Variants in SNURF observed in about 807,000 individuals in gnomAD.
SNURF encodes the protein SNRPN upstream open reading frame.
Under a neutral mutation model 11.6 loss-of-function variants are expected in SNURF, and 6 were observed. The observed-to-expected ratio is 0.52, with a 90% CI of 0.28 to 1.02. The LOEUF is 1.02. Among genes scored for constraint, SNURF ranks in the 50% least tolerant of loss-of-function variants. SNURF has a pLI of 0.09. For synonymous variants in SNURF, 29 were observed against 31.6 expected, an observed-to-expected ratio of 0.92 and a Z score of 0.27; for missense variants, 84 against 88.4, an observed-to-expected ratio of 0.95 and a Z score of 0.20.
At chr15:24,976,194 A>G in intron 4 of SNURF, 1 of 827,404 alleles carries the variant, frequency 1.2e-6, no homozygotes, top group Non-Finnish European at 2.0e-6. Flanking sequence ...GTGATAACTC[A>G]GTAAATGTTT....
intron 2 of SNURF, among the ~76,000 whole-genome samples, chr15:24,966,605 A>C (rs1029493768): frequency 2.0e-5 from 3 of 152,116 alleles, no homozygotes; most frequent in Non-Finnish European, 4.4e-5. Flanking sequence ...TCTCATTACC[A>C]AGAACTCAGG....
intron 2 of SNURF, chr15:24,967,086 G>A (rs1254328026): frequency 1.3e-5 from 2 of 152,150 alleles, no homozygotes; most frequent in Non-Finnish European, 1.5e-5. Flanking sequence ...CCCTGCAAAT[G>A]CTTTAGCAGC....
At chr15:24,973,705 C>T (rs182248296), downstream of SNURF, among the ~76,000 whole-genome samples, 133 of 152,198 alleles carry the variant, frequency 8.7e-4, no homozygotes, top group African/African-American at 2.7e-3. Context: ...CGGCCGTTAA[C>T]GTGATTTATA....
chr15:24,974,367 C>A, intron 3 of SNURF: 1 of 1,254,316 alleles, frequency 8.0e-7, no homozygotes, highest in Non-Finnish European at 1.2e-6. Flanking sequence ...GGAGAACCTG[C>A]GTCATACCTT....
rs146618354 is a variant in SNURF at position 24,968,163 on chromosome 15, C to T, written c.*126C>T. 1,024 of 844,794 alleles carry T rather than the reference C, an allele frequency of 1.2e-3. 6 individuals are homozygous for T. The African/African-American group carries it at 0.016, about 13-fold the overall frequency. 52.3% of individuals were successfully genotyped at this position (844,794 alleles called of 1,614,324 possible). On this transcript the variant is annotated 3_prime_UTR_variant, in exon 3 of 3. Transcript: ENST00000577949. ...TGGGGGTTCTCTTAATTATCAGTGA[C>T]ACATTAATTTTTTTCCTTAGAGCTT... is the stretch of plus-strand genomic sequence containing the variant.
intron 2 of SNURF, among the ~76,000 whole-genome samples, chr15:24,962,679 A>G (rs1256996437): frequency 1.3e-5 from 2 of 152,166 alleles, no homozygotes; most frequent in African/African-American, 4.8e-5. Flanking sequence ...TGTGGAATGT[A>G]TATATAGGAT....
At chr15:24,969,902 A>G (rs1314166656), downstream of SNURF, among the ~76,000 whole-genome samples, 11 of 152,198 alleles carry the variant, frequency 7.2e-5, no homozygotes, top group South Asian at 1.0e-3. Flanking sequence ...CATTGGTGCT[A>G]CGGTGGTGCA....
chr15:24,978,045 T>C, downstream of SNURF: 1 of 1,205,696 alleles, frequency 8.3e-7, no homozygotes, highest in Non-Finnish European at 1.2e-6. Flanking sequence ...TGGTTTTTAA[T>C]GAAAGACATA....
chr15:24,972,155 C>G (rs1325575385), downstream of SNURF, among the ~76,000 whole-genome samples: 1 of 151,150 alleles, frequency 6.6e-6, no homozygotes, highest in African/African-American at 2.4e-5. Flanking sequence ...ACTCAGGAGG[C>G]TGAGGCAGGA....
At position 24,967,926 on chromosome 15, in the gene SNURF, T is replaced by C; in HGVS notation, c.111-6T>C. The C allele has an allele frequency of 6.2e-7, 1 of 1,612,822 alleles. No homozygotes were observed. Among genetic ancestry groups the C allele is most frequent in the Non-Finnish European group, 8.5e-7 (1 of 1,178,930 alleles). ...ATCATTTATATATATTGTGCTCTTG[T>C]TGTAGGTGTCAGTTGTACCCGAGGC... On this transcript the variant is annotated splice_region_variant and splice_polypyrimidine_tract_variant and intron_variant, in intron 2 of 2. Coordinates refer to ENST00000577949, the Ensembl canonical transcript of SNURF.
downstream of SNURF, chr15:24,978,417 C>T: frequency 6.2e-7 from 1 of 1,613,830 alleles, no homozygotes; most frequent in Non-Finnish European, 8.5e-7. Context: ...GTCCACCTCC[C>T]CCAGGAATGC....
intron 1 of SNURF, among the ~76,000 whole-genome samples, chr15:24,958,486 G>GTTT (rs71127030): frequency 0.033 from 2,120 of 65,228 alleles, 253 homozygotes; most frequent in South Asian, 0.053. Flanking sequence ...CTGGCTCAAA[G>GTTT]TTTTTTTTTT....
intron 2 of SNURF, among the ~76,000 whole-genome samples, chr15:24,962,589 T>G (rs1012262572): frequency 6.6e-6 from 1 of 152,138 alleles, no homozygotes; most frequent in Non-Finnish European, 1.5e-5. Flanking sequence ...GATATTTAGG[T>G]GTTTGTTTTT....
downstream of SNURF, among the ~76,000 whole-genome samples, chr15:24,973,026 T>C (rs2076626529): frequency 6.6e-6 from 1 of 152,130 alleles, no homozygotes; most frequent in Admixed American, 6.5e-5. Flanking sequence ...TAGCTGGGAT[T>C]ACAGGCGCCT....
At chr15:24,968,787 A>G (rs192620951), downstream of SNURF, 1 of 152,256 alleles carries the variant, frequency 6.6e-6, no homozygotes, top group Admixed American at 6.5e-5. Flanking sequence ...TCCTCTTTGA[A>G]TCAGCAGACA....
At chr15:24,968,969 C>T (rs2076048062), downstream of SNURF, 2 of 151,500 alleles carry the variant, frequency 1.3e-5, no homozygotes, top group African/African-American at 4.9e-5. Context: ...AGAATGCCCT[C>T]ATTTCTGAGA....
intron 3 of SNURF, chr15:24,974,619 T>G (rs2076851381): frequency 4.1e-6 from 3 of 738,034 alleles, no homozygotes; most frequent in Middle Eastern, 2.4e-4. Flanking sequence ...ATGAGCTGAT[T>G]TTTTTATTTT....
At chr15:24,976,751 T>A in intron 5 of SNURF, 2 of 835,074 alleles carry the variant, frequency 2.4e-6, no homozygotes. Context: ...GTTTGTTCAT[T>A]TGGACACAGA....
chr15:24,970,096 A>G (rs2076210650), downstream of SNURF, among the ~76,000 whole-genome samples: 1 of 152,256 alleles, frequency 6.6e-6, no homozygotes, highest in Non-Finnish European at 1.5e-5. Context: ...AATAGATTAT[A>G]GAAGTATATA....
Sources: gnomAD v4.1 joint callset for allele counts (sites outside exome capture counted in the v4.1 genomes callset) on GRCh38, gnomAD v4.1.1 for gene constraint, MANE v1.5 for transcripts, NCBI Gene and HGNC (gene_info 2026-07-23, HGNC 2026-07-21) for gene names.